The following DAB1 variants were observed in gnomAD, a reference collection of about 807,000 sequenced individuals.
The protein encoded by DAB1 is DAB adaptor protein 1.
Under a neutral mutation model 64.6 loss-of-function variants are expected in DAB1, and 15 were observed. The ratio of observed to expected loss-of-function variants is 0.23; its 90% CI spans 0.16 to 0.36. DAB1 has a LOEUF of 0.36. Ranked by LOEUF, DAB1 falls within the 10% of genes least tolerant of loss-of-function variation. The probability of loss-of-function intolerance (pLI) is 1.00; values close to 1 mark genes in which losing one functional copy is unlikely to be tolerated. For missense variants in DAB1, 596 were observed against 706.7 expected (o/e 0.84, Z 1.78); for synonymous variants, 235 against 251.9 (o/e 0.93, Z 0.64).
At chr1:57,846,581 C>T (rs1653297994) in intron 1 of DAB1, among the ~76,000 whole-genome samples, 1 of 151,988 alleles carries the variant, frequency 6.6e-6, no homozygotes, top group Non-Finnish European at 1.5e-5. Context: ...AAGGTCTTTC[C>T]ATGTTGATTT....
intron 6 of DAB1, among the ~76,000 whole-genome samples, chr1:57,706,111 T>C (rs1646963786): frequency 6.6e-6 from 1 of 152,170 alleles, no homozygotes; most frequent in South Asian, 2.1e-4. Flanking sequence ...AAGGGTCACA[T>C]GTGCTCATGT....
chr1:58,518,339 AGAAGAGAAGAGAAGGGAAGG>A (rs1308260814), intron 2 of DAB1, among the ~76,000 whole-genome samples: 5 of 97,854 alleles, frequency 5.1e-5, no homozygotes, highest in Admixed American at 1.9e-4. Context: ...AGAAGAGAAG[AGAAGAGAAGAGAAGGGAAGG>A]GAAGAGAAGA....
intron 6 of DAB1, among the ~76,000 whole-genome samples, chr1:57,668,061 C>T (rs1646469760): frequency 6.6e-6 from 1 of 151,794 alleles, no homozygotes; most frequent in Admixed American, 6.6e-5. Flanking sequence ...AGAAATATGG[C>T]TAGTGTGGCT....
intron 6 of DAB1, among the ~76,000 whole-genome samples, chr1:57,741,040 C>A (rs1647966978): frequency 6.6e-6 from 1 of 152,090 alleles, no homozygotes; most frequent in African/African-American, 2.4e-5. Flanking sequence ...CTCTGGAAAG[C>A]CTTCTCTGAT....
intron 2 of DAB1, among the ~76,000 whole-genome samples, chr1:57,149,245 TG>T (rs1172125803): frequency 1.3e-5 from 2 of 152,220 alleles, no homozygotes; most frequent in Non-Finnish European, 2.9e-5. Context: ...ATCTTTGGGT[TG>T]TTTCCATTCT....
intron 1 of DAB1, among the ~76,000 whole-genome samples, chr1:57,316,921 G>A (rs1257170963): frequency 6.6e-6 from 1 of 152,198 alleles, no homozygotes; most frequent in African/African-American, 2.4e-5. Flanking sequence ...CACTGAGTGT[G>A]GGCTGGACTT....
chr1:57,942,569 G>A (rs1645121059), intron 5 of DAB1, among the ~76,000 whole-genome samples: 1 of 152,158 alleles, frequency 6.6e-6, no homozygotes, highest in Non-Finnish European at 1.5e-5. Context: ...ACTCAACAGA[G>A]TACCATGTGC....
chr1:57,678,280 C>A (rs59092794), intron 6 of DAB1, among the ~76,000 whole-genome samples: 1,959 of 152,254 alleles, frequency 0.013, 37 homozygotes, highest in African/African-American at 0.045. Flanking sequence ...CCCATTAATC[C>A]ACTCAGAGAG....
intron 7 of DAB1, among the ~76,000 whole-genome samples, chr1:57,590,314 A>C (rs780063514): frequency 4.6e-5 from 7 of 150,742 alleles, no homozygotes; most frequent in East Asian, 2.0e-4. Context: ...CTTTTCTTTT[A>C]TTTATTTATT....
upstream of DAB1, among the ~76,000 whole-genome samples, chr1:57,428,868 C>CA (rs936460597): frequency 2.7e-5 from 4 of 147,288 alleles, no homozygotes; most frequent in African/African-American, 1.0e-4. Flanking sequence ...AAACAGCAAC[C>CA]AAAAAAACTG....
chr1:57,732,528 T>G (rs775928853), intron 6 of DAB1, among the ~76,000 whole-genome samples: 4 of 152,132 alleles, frequency 2.6e-5, no homozygotes, highest in Non-Finnish European at 5.9e-5. Context: ...TCCTCAACCC[T>G]CCACCTACTT....
chr1:57,014,292 A>G (rs943186342), intron 12 of DAB1, among the ~76,000 whole-genome samples: 3 of 152,354 alleles, frequency 2.0e-5, no homozygotes, highest in Admixed American at 6.5e-5. Context: ...AACTACCAGA[A>G]GCTTTAACCC....
intron 1 of DAB1, among the ~76,000 whole-genome samples, chr1:57,413,592 A>T (rs1352146256): frequency 5.9e-5 from 9 of 151,720 alleles, no homozygotes; most frequent in Non-Finnish European, 1.3e-4. Context: ...ATACAAAAAG[A>T]AATTAGCCGG....
chr1:57,208,087 T>G (rs1276660221), intron 2 of DAB1, among the ~76,000 whole-genome samples: 1 of 151,750 alleles, frequency 6.6e-6, no homozygotes, highest in Non-Finnish European at 1.5e-5. Flanking sequence ...GTCATGGGAG[T>G]GAGGAAACGA....
At chr1:57,824,783 CT>C (rs1480228847), downstream of DAB1, among the ~76,000 whole-genome samples, 1 of 152,216 alleles carries the variant, frequency 6.6e-6, no homozygotes, top group African/African-American at 2.4e-5. Flanking sequence ...AGCAGAGAGT[CT>C]GCTTTGTCGA....
chr1:58,130,848 C>T (rs985990765), intron 5 of DAB1, among the ~76,000 whole-genome samples: 6 of 152,092 alleles, frequency 3.9e-5, no homozygotes, highest in Non-Finnish European at 8.8e-5. Context: ...GATGGGCTTC[C>T]CTTTGAGGGT....
intron 7 of DAB1, among the ~76,000 whole-genome samples, chr1:57,566,946 T>C (rs1645130028): frequency 6.6e-6 from 1 of 152,178 alleles, no homozygotes; most frequent in Admixed American, 6.5e-5. Context: ...ATCATCCTGA[T>C]ACCAAAGCCT....
At chr1:58,153,049 C>G (rs1655029112) in intron 4 of DAB1, among the ~76,000 whole-genome samples, 1 of 152,202 alleles carries the variant, frequency 6.6e-6, no homozygotes, top group Admixed American at 6.5e-5. Context: ...CCAAGCTCAT[C>G]TTACTAAGTG....
chr1:57,392,403 A>G (rs1158870410), intron 1 of DAB1, among the ~76,000 whole-genome samples: 2 of 152,126 alleles, frequency 1.3e-5, no homozygotes, highest in African/African-American at 4.8e-5. Flanking sequence ...AACAAAAAGC[A>G]TATAACGAAC....
Sources: allele counts gnomAD v4.1 joint callset (sites outside exome capture counted in the v4.1 genomes callset), GRCh38; gene constraint gnomAD v4.1.1; transcripts MANE v1.5; gene names NCBI Gene and HGNC (gene_info 2026-07-23, HGNC 2026-07-21).